FHIT: variants seen among roughly 807,000 people sequenced by gnomAD.
FHIT encodes the protein fragile histidine triad diadenosine triphosphatase, also known as bis(5'-adenosyl)-triphosphatase.
In FHIT, 19 loss-of-function variants were observed where a neutral mutation model predicts 17.9. The ratio of observed to expected loss-of-function variants is 1.06; its 90% confidence interval spans 0.74 to 1.56. The LOEUF (loss-of-function observed/expected upper bound fraction) is 1.56, where lower values mean the gene tolerates loss of function less well. Ranked by LOEUF, FHIT falls within the 40% of genes most tolerant of loss-of-function variation. FHIT has a pLI of 0.00. For synonymous variants in FHIT, 81 were observed against 69.7 expected, an observed-to-expected ratio of 1.16 and a Z score of -0.81; for missense variants, 248 against 189.2, an observed-to-expected ratio of 1.31 and a Z score of -1.82.
At chr3:61,014,853 TATGTATATATATGC>T (rs1233330783) in intron 3 of FHIT, among the ~76,000 whole-genome samples, 18 of 144,126 alleles carry the variant, frequency 1.2e-4, no homozygotes, top group African/African-American at 4.1e-4. Context: ...TATGTATATA[TATGTATATATATGC>T]ATGTATATAT....
chr3:59,816,961 AC>A (rs1048968475), intron 8 of FHIT, among the ~76,000 whole-genome samples: 5 of 152,176 alleles, frequency 3.3e-5, no homozygotes, highest in Non-Finnish European at 7.3e-5. Context: ...CTTGATCTAG[AC>A]CAGTATAAAC....
At chr3:61,189,815 G>C (rs369911743) in intron 2 of FHIT, among the ~76,000 whole-genome samples, 14,146 of 151,046 alleles carry the variant, frequency 0.094, 24 homozygotes, top group South Asian at 0.18. Context: ...ACAAACCTGA[G>C]AAAAACAAGC....
chr3:61,115,872 T>C (rs1163271866), intron 2 of FHIT, among the ~76,000 whole-genome samples: 1 of 152,040 alleles, frequency 6.6e-6, no homozygotes, highest in Admixed American at 6.6e-5. Flanking sequence ...AATGAAGCAA[T>C]AGTGGCATTC....
intron 6 of FHIT, among the ~76,000 whole-genome samples, chr3:60,012,955 G>A (rs1232790743): frequency 6.6e-6 from 1 of 152,130 alleles, no homozygotes; most frequent in Non-Finnish European, 1.5e-5. Context: ...CAGAAACACG[G>A]TTTGCAACAT....
At chr3:59,801,068 A>G (rs1699974245) in intron 8 of FHIT, among the ~76,000 whole-genome samples, 1 of 152,214 alleles carries the variant, frequency 6.6e-6, no homozygotes, top group African/African-American at 2.4e-5. Flanking sequence ...TTTGTGAAAC[A>G]TGATACAGAA....
At chr3:60,072,364 A>C (rs866515513) in intron 5 of FHIT, among the ~76,000 whole-genome samples, 18 of 152,302 alleles carry the variant, frequency 1.2e-4, no homozygotes, top group Admixed American at 3.9e-4. Flanking sequence ...GATGGCTGTC[A>C]ACACCTTCTC....
chr3:61,210,126 G>A (rs767889300), intron 1 of FHIT, among the ~76,000 whole-genome samples: 5 of 152,182 alleles, frequency 3.3e-5, no homozygotes, highest in South Asian at 2.1e-4. Context: ...GCAGAACAGC[G>A]GATATTGATG....
chr3:60,296,495 T>A (rs1206826259), intron 5 of FHIT, among the ~76,000 whole-genome samples: 2 of 152,096 alleles, frequency 1.3e-5, no homozygotes, highest in Non-Finnish European at 2.9e-5. Context: ...ATTTTCCAAA[T>A]GGTTTGTCTT....
chr3:59,970,729 T>G (rs1708137148), intron 7 of FHIT, among the ~76,000 whole-genome samples: 1 of 152,100 alleles, frequency 6.6e-6, no homozygotes, highest in Non-Finnish European at 1.5e-5. Context: ...TTGTTATTGT[T>G]GTTCTCCGGG....
At chr3:60,456,288 G>T (rs571696548) in intron 5 of FHIT, among the ~76,000 whole-genome samples, 9 of 152,168 alleles carry the variant, frequency 5.9e-5, no homozygotes, top group Non-Finnish European at 1.0e-4. Context: ...TGAAATGATG[G>T]TTACCGACAA....
At chr3:59,902,056 G>A (rs962988902) in intron 8 of FHIT, among the ~76,000 whole-genome samples, 13 of 152,104 alleles carry the variant, frequency 8.5e-5, no homozygotes, top group Non-Finnish European at 1.3e-4. Flanking sequence ...TCAGACAGGG[G>A]ATTAAATTCC....
At chr3:60,326,576 GCCATGGACTGGT>G (rs1264867580) in intron 5 of FHIT, among the ~76,000 whole-genome samples, 8 of 152,176 alleles carry the variant, frequency 5.3e-5, no homozygotes, top group African/African-American at 4.8e-5. Context: ...TTCCTAACAG[GCCATGGACTGGT>G]CCATGACGCA....
At position 60,025,518 on chromosome 3, in the gene FHIT, A is replaced by T. The variant is rs532268765; in HGVS notation, c.104-11366T>A. Reference sequence around the variant, plus strand: ...GTTCACTCTGTCTGAGCAATGTGCCATAATTCACAAGCATGAAGCCTCCAT... The same window carrying T: ...GTTCACTCTGTCTGAGCAATGTGCCTTAATTCACAAGCATGAAGCCTCCAT... On this transcript the variant is annotated intron_variant, in intron 5 of 9. Transcript: ENST00000492590. 2.7e-5 allele frequency among the ~76,000 whole-genome samples: 4 copies of T among 149,324 alleles called. No homozygotes were observed. The South Asian group carries it at 6.3e-4, about 24-fold the overall frequency.
intron 5 of FHIT, among the ~76,000 whole-genome samples, chr3:60,510,344 T>C (rs1447974): frequency 6.6e-6 from 1 of 152,028 alleles, no homozygotes; most frequent in Non-Finnish European, 1.5e-5. Context: ...CAATTATTGT[T>C]AAGTTTCTAT....
At chr3:60,566,521 T>C (rs1349767657) in intron 4 of FHIT, among the ~76,000 whole-genome samples, 1 of 152,116 alleles carries the variant, frequency 6.6e-6, no homozygotes, top group Admixed American at 6.5e-5. Flanking sequence ...GGGCAAAAAC[T>C]GGAAGCATTC....
intron 2 of FHIT, among the ~76,000 whole-genome samples, chr3:61,107,116 A>G (rs555045451): frequency 6.6e-6 from 1 of 152,296 alleles, no homozygotes; most frequent in East Asian, 1.9e-4. Flanking sequence ...TTGACCAACA[A>G]TTCTCCAACT....
At chr3:61,047,872 G>T (rs1033450340) in intron 2 of FHIT, among the ~76,000 whole-genome samples, 2 of 136,096 alleles carry the variant, frequency 1.5e-5, no homozygotes, top group Non-Finnish European at 3.2e-5. Context: ...CAAGCAATGG[G>T]GAAAGGATTC....
chr3:60,832,825 T>C lies in FHIT; in HGVS notation c.-110-10814A>G, dbSNP rs77720108. Among the ~76,000 whole-genome samples the C allele has an allele frequency of 1.9e-3, 282 of 152,326 alleles. 3 individuals carry two copies. Among genetic ancestry groups the C allele is most frequent in the African/African-American group, 6.2e-3 (256 of 41,582 alleles). ...TAACCCAATATATCAAAAATATTATTTCAACATGTTAATAAAAGTTAATAA... is the reference window on the plus strand; with the variant it reads ...TAACCCAATATATCAAAAATATTATCTCAACATGTTAATAAAAGTTAATAA... On this transcript the variant is annotated intron_variant, in intron 3 of 9. Coordinates refer to ENST00000492590, the MANE Select transcript of FHIT (RefSeq NM_002012.4).
chr3:60,026,767 G>A lies in FHIT; in HGVS notation c.104-12615C>T, dbSNP rs193298878. ...AATGTCATTTTTCAAGCTATGTTTA[G>A]ACAGCACAGAACACTATATGGTTTA... is the stretch of plus-strand genomic sequence containing the variant. On this transcript the variant is annotated intron_variant, in intron 5 of 9. Coordinates refer to ENST00000492590, the MANE Select transcript of FHIT (RefSeq NM_002012.4). Among the ~76,000 whole-genome samples the A allele has an allele frequency of 9.9e-5, 15 of 152,178 alleles. No individual in the cohort carries two copies. In the East Asian group the frequency reaches 2.7e-3, roughly 27 times the overall value.
Sources: allele counts gnomAD v4.1 joint callset (sites outside exome capture counted in the v4.1 genomes callset), GRCh38; gene constraint gnomAD v4.1.1; transcripts MANE v1.5; gene names NCBI Gene and HGNC (gene_info 2026-07-23, HGNC 2026-07-21).